PTK2B: variants seen among roughly 807,000 people sequenced by gnomAD.
PTK2B encodes the protein protein-tyrosine kinase 2-beta.
In PTK2B, 71 loss-of-function variants were observed where a neutral mutation model predicts 142.9. The observed-to-expected ratio is 0.50, with a 90% confidence interval of 0.41 to 0.61. The LOEUF is 0.61. PTK2B is among the 20% of genes least tolerant of loss of function. The probability of loss-of-function intolerance (pLI) is 0.00; values close to 1 mark genes in which losing one functional copy is unlikely to be tolerated. For synonymous variants in PTK2B, 519 were observed against 503.4 expected, an observed-to-expected ratio of 1.03 and a Z score of -0.42; for missense variants, 1,105 against 1,320.4, an observed-to-expected ratio of 0.84 and a Z score of 2.53.
At chr8:27,367,255 T>C (rs1015818239) in intron 1 of PTK2B, among the ~76,000 whole-genome samples, 4 of 152,180 alleles carry the variant, frequency 2.6e-5, no homozygotes, top group African/African-American at 9.7e-5. Flanking sequence ...CTGGGCCCAG[T>C]GGCCATCCTG....
At chr8:27,371,249 G>A (rs1416889521) in intron 1 of PTK2B, among the ~76,000 whole-genome samples, 1 of 152,160 alleles carries the variant, frequency 6.6e-6, no homozygotes, top group Non-Finnish European at 1.5e-5. Flanking sequence ...CTGTCAGCCT[G>A]GGGGTAGCTT....
chr8:27,370,454 G>A (rs1361832812), intron 1 of PTK2B, among the ~76,000 whole-genome samples: 1 of 152,200 alleles, frequency 6.6e-6, no homozygotes, highest in Non-Finnish European at 1.5e-5. Flanking sequence ...TGAAGGCCCA[G>A]GCATATCACT....
chr8:27,456,857 C>T (rs559270811), intron 30 of PTK2B, among the ~76,000 whole-genome samples: 1 of 152,304 alleles, frequency 6.6e-6, no homozygotes, highest in East Asian at 1.9e-4. Context: ...GCCACAACAT[C>T]CCCTTATGCC....
intron 2 of PTK2B, among the ~76,000 whole-genome samples, chr8:27,412,481 A>G (rs1365311284): frequency 1.3e-5 from 2 of 152,146 alleles, no homozygotes; most frequent in East Asian, 3.8e-4. Context: ...CAAATTCTTT[A>G]TGATACACCA....
intron 6 of PTK2B, 98 bp downstream of exon 6, chr8:27,430,253 C>T (rs1256211426): frequency 6.3e-7 from 1 of 1,578,828 alleles, no homozygotes; most frequent in African/African-American, 1.3e-5. Flanking sequence ...ACCAGAGCCA[C>T]ATAGGGCCGT....
intron 3 of PTK2B, among the ~76,000 whole-genome samples, chr8:27,317,149 C>T (rs1803112511): frequency 6.6e-6 from 1 of 152,202 alleles, no homozygotes; most frequent in African/African-American, 2.4e-5. Flanking sequence ...CCCTGTATGT[C>T]TCATTTTCAG....
chr8:27,415,253 G>C (rs1413701514), intron 2 of PTK2B, among the ~76,000 whole-genome samples: 1 of 152,266 alleles, frequency 6.6e-6, no homozygotes, highest in East Asian at 1.9e-4. Context: ...ATCCAGCTGG[G>C]TGGTGGTGGT....
chr8:27,389,579 G>A (rs1280166010), intron 1 of PTK2B, among the ~76,000 whole-genome samples: 1 of 152,242 alleles, frequency 6.6e-6, no homozygotes, highest in Non-Finnish European at 1.5e-5. Flanking sequence ...TGGCCTCTGA[G>A]CTGGCAGGAG....
chr8:27,371,368 G>A (rs1192364169), intron 1 of PTK2B, among the ~76,000 whole-genome samples: 1 of 152,122 alleles, frequency 6.6e-6, no homozygotes, highest in Non-Finnish European at 1.5e-5. Context: ...GTTCTTCCAT[G>A]CACACTGGGA....
chr8:27,372,740 C>G (rs1417261981), intron 1 of PTK2B, among the ~76,000 whole-genome samples: 1 of 152,140 alleles, frequency 6.6e-6, no homozygotes, highest in Non-Finnish European at 1.5e-5. Context: ...CTGGGCTGTG[C>G]TGGCAACCAC....
At chr8:27,435,997 G>A (rs1240966609) in intron 14 of PTK2B, among the ~76,000 whole-genome samples, 1 of 152,108 alleles carries the variant, frequency 6.6e-6, no homozygotes, top group Non-Finnish European at 1.5e-5. Context: ...CCTTTTGTGT[G>A]CCCATGGAGC....
At chr8:27,335,959 GT>G (rs1192080198) in intron 1 of PTK2B, among the ~76,000 whole-genome samples, 1 of 152,216 alleles carries the variant, frequency 6.6e-6, no homozygotes, top group Middle Eastern at 3.2e-3. Context: ...AGGCCCTTGA[GT>G]CCCCTCCATG....
At chr8:27,330,625 AG>A (rs780778060) in intron 1 of PTK2B, among the ~76,000 whole-genome samples, 1 of 152,118 alleles carries the variant, frequency 6.6e-6, no homozygotes, top group Non-Finnish European at 1.5e-5. Context: ...GAGCTGTGCA[AG>A]GGGGCGGCAG....
chr8:27,367,117 A>G (rs978841816), intron 1 of PTK2B, among the ~76,000 whole-genome samples: 6 of 152,206 alleles, frequency 3.9e-5, no homozygotes, highest in African/African-American at 1.4e-4. Context: ...AAACATTATG[A>G]TGTTGTTTAA....
At chr8:27,441,440 T>A (rs577351379) in intron 21 of PTK2B, among the ~76,000 whole-genome samples, 5 of 152,222 alleles carry the variant, frequency 3.3e-5, no homozygotes, top group Non-Finnish European at 5.9e-5. Context: ...GAAAAATATT[T>A]TTAATACTGT....
intron 1 of PTK2B, among the ~76,000 whole-genome samples, chr8:27,351,541 A>G (rs192330578): frequency 6.6e-6 from 1 of 152,286 alleles, no homozygotes; most frequent in African/African-American, 2.4e-5. Context: ...TACTGGTCCT[A>G]ATGGATTCCA....
In PTK2B at chr8:27,437,510, C is replaced by G; in HGVS notation, c.1527+14C>G. 1 of 1,579,688 alleles carries G rather than the reference C, an allele frequency of 6.3e-7. No homozygotes were observed. Among genetic ancestry groups the G allele is most frequent in the Non-Finnish European group, 8.6e-7 (1 of 1,158,288 alleles). On this transcript the variant is annotated intron_variant, in intron 17 of 30. Transcript: ENST00000346049. ...CCCTATGGGGAGGTGAGCTGGAGGA[C>G]CCTGCGATGACAACTGGGCTGCAGC...
chr8:27,397,351 G>C lies in PTK2B; in HGVS notation c.-37-197G>C, dbSNP rs1177115975. On this transcript the variant is annotated intron_variant, in intron 1 of 30. Transcript: ENST00000346049. The stretch of plus-strand genomic sequence containing the variant: ...CCAAGTCTGGGTTTCATACCTGGAT[G>C]CTTCTGCAACTTGCCCCTTTCTGCT... 8 of 553,546 alleles carry C rather than the reference G, an allele frequency of 1.4e-5. No individual in the cohort carries two copies. In the Admixed American group the frequency reaches 2.5e-4, roughly 17 times the overall value. The allele number at this position is 553,546 out of a possible 1,614,324, so 34.3% of individuals were successfully genotyped here.
intron 1 of PTK2B, among the ~76,000 whole-genome samples, chr8:27,366,350 T>C (rs142591889): frequency 6.6e-6 from 1 of 152,308 alleles, no homozygotes; most frequent in African/African-American, 2.4e-5. Context: ...TCTTCTGAGG[T>C]TTTGTGCTAA....
Sources: gnomAD v4.1 joint callset for allele counts (sites outside exome capture counted in the v4.1 genomes callset) on GRCh38, gnomAD v4.1.1 for gene constraint, MANE v1.5 for transcripts, NCBI Gene and HGNC (gene_info 2026-07-23, HGNC 2026-07-21) for gene names.